FKBP5: variants seen among roughly 807,000 people sequenced by gnomAD.
The protein encoded by FKBP5 is FKBP prolyl isomerase 5.
In FKBP5, 23 loss-of-function variants were observed where a neutral mutation model predicts 50.5. That is an observed-to-expected ratio of 0.46 (90% CI 0.33 to 0.65). The LOEUF (loss-of-function observed/expected upper bound fraction) is 0.65. Ranked by LOEUF, FKBP5 falls within the 30% of genes least tolerant of loss-of-function variation. The pLI is 0.02. For missense variants in FKBP5, 411 were observed against 553.1 expected, an observed-to-expected ratio of 0.74 and a Z score of 2.58; for synonymous variants, 176 against 190.6, an observed-to-expected ratio of 0.92 and a Z score of 0.63.
rs371918911 is a variant in FKBP5, at chr6:35,682,281, G to T, written c.-20+6523C>A. Among the ~76,000 whole-genome samples the T allele has an allele frequency of 1.6e-4, 25 of 152,258 alleles. No individual in the cohort carries two copies. The East Asian group carries it at 4.2e-3, about 26-fold the overall frequency. ...TTAATTAATATCTAACATGGGTAAAGAACATTCCATGCTCATTCAGAATAT... is the reference window on the plus strand; with the variant it reads ...TTAATTAATATCTAACATGGGTAAATAACATTCCATGCTCATTCAGAATAT... On this transcript the variant is annotated intron_variant, in intron 1 of 10. Coordinates refer to ENST00000357266, the MANE Select transcript of FKBP5 (RefSeq NM_004117.4).
At chr6:35,588,460 A>G (rs147983225) in intron 7 of FKBP5, among the ~76,000 whole-genome samples, 243 of 152,340 alleles carry the variant, frequency 1.6e-3, no homozygotes, top group African/African-American at 5.5e-3. Flanking sequence ...CCAAAAAACA[A>G]AAACAAAGAA....
chr6:35,722,951 T>C (rs913523430), intron 1 of FKBP5, among the ~76,000 whole-genome samples: 40 of 152,144 alleles, frequency 2.6e-4, no homozygotes, highest in African/African-American at 9.4e-4. Flanking sequence ...TGCTCAGGCA[T>C]GGCCGGGCGC....
At chr6:35,681,017 G>A (rs1318011260) in intron 1 of FKBP5, among the ~76,000 whole-genome samples, 2 of 152,178 alleles carry the variant, frequency 1.3e-5, no homozygotes, top group African/African-American at 4.8e-5. Context: ...TTAGTGAAAA[G>A]CAGTATAAAT....
At chr6:35,597,442 T>G (rs1425304323) in intron 5 of FKBP5, 38 bp from the exon 6 acceptor site, 2 of 1,592,978 alleles carry the variant, frequency 1.3e-6, no homozygotes, top group East Asian at 2.2e-5. Flanking sequence ...CAGAGCTGCT[T>G]CTTAGGACTG....
intron 8 of FKBP5, chr6:35,580,631 C>T (rs111674784): frequency 0.076 from 10,819 of 142,226 alleles, 761 homozygotes; most frequent in African/African-American, 0.2. Context: ...CTCCGCCTCC[C>T]GGGTTCCAGC....
At chr6:35,631,712 T>G (rs1764160603) in intron 3 of FKBP5, among the ~76,000 whole-genome samples, 1 of 152,096 alleles carries the variant, frequency 6.6e-6, no homozygotes, top group Non-Finnish European at 1.5e-5. Flanking sequence ...ATCTCAGCAC[T>G]TTGGGAGGCC....
At chr6:35,609,796 T>C (rs535784940) in intron 5 of FKBP5, among the ~76,000 whole-genome samples, 23 of 152,368 alleles carry the variant, frequency 1.5e-4, no homozygotes, top group African/African-American at 5.5e-4. Flanking sequence ...TGATTAATCA[T>C]GCTCTAACTT....
intron 1 of FKBP5, among the ~76,000 whole-genome samples, chr6:35,686,199 C>T (rs1038047834): frequency 6.6e-6 from 1 of 151,978 alleles, no homozygotes; most frequent in Non-Finnish European, 1.5e-5. Flanking sequence ...GAGAATTCAA[C>T]TTATGCTTAA....
chr6:35,609,440 TC>T (rs1763426900), intron 5 of FKBP5, among the ~76,000 whole-genome samples: 1 of 152,238 alleles, frequency 6.6e-6, no homozygotes, highest in Admixed American at 6.5e-5. Flanking sequence ...CATAGCTTGT[TC>T]TTCCCTGGAA....
intron 5 of FKBP5, among the ~76,000 whole-genome samples, chr6:35,608,678 C>A (rs1195020966): frequency 1.3e-5 from 2 of 152,106 alleles, no homozygotes; most frequent in East Asian, 3.9e-4. Context: ...CAGAGCAAGA[C>A]CTCATCTCCA....
At chr6:35,669,065 T>C (rs1452463314) in intron 1 of FKBP5, among the ~76,000 whole-genome samples, 3 of 152,202 alleles carry the variant, frequency 2.0e-5, no homozygotes, top group African/African-American at 7.2e-5. Context: ...CAATTAATCA[T>C]TTTCTTCTCA....
chr6:35,623,589 A>G (rs1228643277), intron 3 of FKBP5, among the ~76,000 whole-genome samples: 1 of 151,394 alleles, frequency 6.6e-6, no homozygotes, highest in Non-Finnish European at 1.5e-5. Flanking sequence ...TTTTTTTAAG[A>G]GACAGGGTCT....
intron 5 of FKBP5, 63 bp from the exon 6 acceptor site, chr6:35,597,467 G>A: frequency 2.6e-6 from 4 of 1,537,502 alleles, no homozygotes; most frequent in Non-Finnish European, 3.5e-6. Context: ...ATTCAGTGAA[G>A]TGATAAATGA....
chr6:35,591,837 G>C (rs567602750), intron 6 of FKBP5, among the ~76,000 whole-genome samples: 24 of 152,238 alleles, frequency 1.6e-4, no homozygotes, highest in African/African-American at 5.3e-4. Context: ...AAAAATAGCT[G>C]CCCTAGCAAG....
intron 6 of FKBP5, among the ~76,000 whole-genome samples, chr6:35,596,071 T>C (rs2150963606): frequency 6.6e-6 from 1 of 151,998 alleles, no homozygotes; most frequent in East Asian, 2.0e-4. Context: ...AATATGATTA[T>C]GGGCTGGGCG....
chr6:35,726,910 T>C (rs1766724890), intron 1 of FKBP5, among the ~76,000 whole-genome samples: 1 of 152,200 alleles, frequency 6.6e-6, no homozygotes, highest in South Asian at 2.1e-4. Context: ...TCAAGGACTT[T>C]CTAATCTGGT....
intron 1 of FKBP5, among the ~76,000 whole-genome samples, chr6:35,656,368 C>T (rs149218470): frequency 3.0e-4 from 46 of 152,220 alleles, no homozygotes; most frequent in African/African-American, 1.1e-3. Context: ...AAGGTTTATT[C>T]CAACTCTGTT....
chr6:35,635,281 G>A (rs1245013466), intron 3 of FKBP5, among the ~76,000 whole-genome samples: 1 of 152,060 alleles, frequency 6.6e-6, no homozygotes, highest in Non-Finnish European at 1.5e-5. Context: ...AGGCTGCAGT[G>A]GGCCGAGATG....
intron 5 of FKBP5, among the ~76,000 whole-genome samples, chr6:35,612,288 G>C (rs1027076475): frequency 8.5e-5 from 13 of 152,182 alleles, no homozygotes; most frequent in African/African-American, 3.1e-4. Context: ...CTACTTGGGA[G>C]GATGAGGTGG....
Sources: allele counts gnomAD v4.1 joint callset (sites outside exome capture counted in the v4.1 genomes callset), GRCh38; gene constraint gnomAD v4.1.1; transcripts MANE v1.5; gene names NCBI Gene and HGNC (gene_info 2026-07-23, HGNC 2026-07-21).